The following ARID1B variants were observed in gnomAD, a reference collection of about 807,000 sequenced individuals.
ARID1B encodes the protein AT-rich interaction domain 1B, also known as AT-rich interactive domain-containing protein 1B.
ARID1B carries 30 observed loss-of-function variants against 212.3 expected under a neutral mutation model. The observed-to-expected ratio is 0.14, with a 90% confidence interval of 0.11 to 0.19. ARID1B has a LOEUF of 0.19. Among genes scored for constraint, ARID1B ranks in the 10% least tolerant of loss-of-function variants. The pLI is 1.00. For missense variants in ARID1B, 2,891 were observed against 3,204.0 expected (o/e 0.90, Z 2.36); for synonymous variants, 1,402 against 1,301.7 (o/e 1.08, Z -1.66).
At chr6:156,791,350 A>G (rs925304343) in intron 1 of ARID1B, among the ~76,000 whole-genome samples, 1 of 152,214 alleles carries the variant, frequency 6.6e-6, no homozygotes, top group Non-Finnish European at 1.5e-5. Context: ...AAACGAGGTA[A>G]TGTGTATGGC....
intron 4 of ARID1B, among the ~76,000 whole-genome samples, chr6:156,983,720 G>A (rs1302592965): frequency 1.3e-5 from 2 of 152,092 alleles, no homozygotes; most frequent in East Asian, 1.9e-4. Context: ...CACCTCATCC[G>A]TGTGAGCCCT....
At chr6:156,899,154 A>G (rs530521483) in intron 2 of ARID1B, among the ~76,000 whole-genome samples, 7 of 152,366 alleles carry the variant, frequency 4.6e-5, no homozygotes, top group Admixed American at 2.0e-4. Context: ...CAGGGCATCT[A>G]TATGACTTAG....
chr6:157,207,695 C>T lies in ARID1B; in HGVS notation c.6923C>T (p.Pro2308Leu), dbSNP rs775203171. 8.1e-6 allele frequency: 13 copies of T among 1,608,678 alleles called. No individual in the cohort carries two copies. The highest frequency in any genetic ancestry group is 4.0e-5 in the African/African-American group (3 of 74,824). Reference protein sequence around the residue: ...SQHNLMHMQPPPLEPPSVDMM... With the variant: ...SQHNLMHMQPLPLEPPSVDMM... The stretch of plus-strand genomic sequence containing the variant: ...CACAACCTCATGCACATGCAGCCCC[C>T]GCCCCTGGAACCACCTAGCGTAGAC... Residue 2308 changes from proline to leucine, a missense_variant, in exon 20 of 20, where the codon CCG (proline) becomes CTG (leucine). By Grantham distance (98) the Pro-to-Leu change is moderately conservative. Coordinates refer to ENST00000636930, the MANE Select transcript of ARID1B (RefSeq NM_001374828.1). This position sits in a 1 kb window ranked among gnomAD's most constrained non-coding sequence, Gnocchi z 8.5.
chr6:156,838,771 C>T (rs1583137363), intron 2 of ARID1B, among the ~76,000 whole-genome samples: 2 of 151,624 alleles, frequency 1.3e-5, no homozygotes, highest in African/African-American at 4.8e-5. Flanking sequence ...TTAGATGTTT[C>T]TTTATAATCA....
At chr6:157,151,260 C>G (rs1030207433) in intron 8 of ARID1B, 12 of 152,162 alleles carry the variant, frequency 7.9e-5, no homozygotes, top group African/African-American at 2.7e-4. Flanking sequence ...GTTCTCATGA[C>G]TATATTATCA....
intron 4 of ARID1B, among the ~76,000 whole-genome samples, chr6:157,039,139 T>A (rs549241901): frequency 6.9e-4 from 105 of 152,168 alleles, no homozygotes; most frequent in Middle Eastern, 3.4e-3. Flanking sequence ...CAAAGAGTAG[T>A]GTTGGCATTA....
chr6:156,848,828 G>A (rs79833065), intron 2 of ARID1B, among the ~76,000 whole-genome samples: 4 of 152,292 alleles, frequency 2.6e-5, no homozygotes, highest in East Asian at 1.9e-4. Context: ...CTGCTGCCTC[G>A]CTAAGTCTTA....
intron 1 of ARID1B, among the ~76,000 whole-genome samples, chr6:156,820,560 T>C (rs1782283731): frequency 1.3e-5 from 2 of 152,210 alleles, no homozygotes; most frequent in African/African-American, 4.8e-5. Flanking sequence ...AAGTTCTTTT[T>C]ATGTGATAAA....
chr6:157,169,301 G>A (rs1297953661), intron 9 of ARID1B: 1 of 152,266 alleles, frequency 6.6e-6, no homozygotes, highest in Non-Finnish European at 1.5e-5. Context: ...TCAGCAGCCA[G>A]TGCAACCAGC....
At chr6:156,801,902 G>A (rs750023441) in intron 1 of ARID1B, among the ~76,000 whole-genome samples, 4 of 152,110 alleles carry the variant, frequency 2.6e-5, no homozygotes, top group Non-Finnish European at 4.4e-5. Context: ...GTGCATTTTG[G>A]TGTGGAAAAA....
At chr6:156,882,103 C>G (rs1222141340) in intron 2 of ARID1B, among the ~76,000 whole-genome samples, 2 of 152,184 alleles carry the variant, frequency 1.3e-5, no homozygotes, top group Non-Finnish European at 2.9e-5. Flanking sequence ...AATGATTCCT[C>G]TTTCACTTGT....
chr6:156,782,960 T>C (rs1779378841), intron 1 of ARID1B, among the ~76,000 whole-genome samples: 1 of 152,154 alleles, frequency 6.6e-6, no homozygotes, highest in African/African-American at 2.4e-5. Context: ...GTACATACTT[T>C]TGACAATATT....
rs2114956730 is a variant in ARID1B at position 156,777,937 on chromosome 6, A to G, written c.257A>G (p.His86Arg). ...LLPRHELNMA[H>R]NAGAAAAAGT... ...CCCCGTCACGAACTCAACATGGCCCATAACGCGGGCGCCGCGGCCGCCGCC... is the reference window on the plus strand; with the variant it reads ...CCCCGTCACGAACTCAACATGGCCCGTAACGCGGGCGCCGCGGCCGCCGCC... The change falls in exon 1 of 20, where the codon CAT (histidine) becomes CGT (arginine). Residue 86 changes from histidine to arginine, a missense_variant. By Grantham distance (29) the His-to-Arg change is conservative (BLOSUM62 0). This residue lies in a region of ARID1B where 1,643 missense variants were observed against 1,544.0 expected (regional missense o/e 1.06). Transcript: ENST00000636930. 1 of 1,527,728 alleles carries G rather than the reference A, an allele frequency of 6.5e-7. No individual in the cohort carries two copies. Among genetic ancestry groups the G allele is most frequent in the Non-Finnish European group, 8.7e-7 (1 of 1,144,012 alleles). 94.6% of individuals were successfully genotyped at this position (1,527,728 alleles called of 1,614,324 possible).
At chr6:157,161,949 G>A (rs895245136) in intron 8 of ARID1B, among the ~76,000 whole-genome samples, 4 of 152,160 alleles carry the variant, frequency 2.6e-5, no homozygotes, top group African/African-American at 7.2e-5. Flanking sequence ...TGCTCATTCC[G>A]AACATAACTC....
At chr6:156,965,533 G>A (rs1794682910) in intron 4 of ARID1B, among the ~76,000 whole-genome samples, 1 of 152,226 alleles carries the variant, frequency 6.6e-6, no homozygotes, top group Non-Finnish European at 1.5e-5. Context: ...ATCCGTGAAT[G>A]TGTATTAATA....
At chr6:156,932,266 TCG>T (rs1791809734) in intron 3 of ARID1B, among the ~76,000 whole-genome samples, 2 of 152,028 alleles carry the variant, frequency 1.3e-5, no homozygotes, top group Admixed American at 6.6e-5. Flanking sequence ...AACCTTTGAC[TCG>T]TAACATAAAG....
rs760090226 is a variant in ARID1B, at chr6:156,779,153, G to A, written c.1473G>A (p.Gln491=). ...GGGGCTTCCAGCGCTTCGCCGGCCA[G>A]AACCAGCACCCGTCGGGGGCCACCC... The part of the protein sequence containing the change: ...AAGGFQRFAG[Q]NQHPSGATPT... The change falls in exon 1 of 20, where the codon CAG becomes CAA. Residue 491 remains glutamine, a synonymous_variant. Transcript: ENST00000636930. The A allele has an allele frequency of 2.3e-6, 3 of 1,310,580 alleles. No individual in the cohort carries two copies. Among genetic ancestry groups the A allele is most frequent in the South Asian group, 2.0e-5 (1 of 49,680 alleles). 81.2% of individuals were successfully genotyped at this position (1,310,580 alleles called of 1,614,324 possible).
At chr6:157,069,986 G>A (rs920886749) in intron 4 of ARID1B, among the ~76,000 whole-genome samples, 3 of 152,114 alleles carry the variant, frequency 2.0e-5, no homozygotes, top group Admixed American at 1.3e-4. Flanking sequence ...TAGCCAGTAG[G>A]TCAGTTGATA....
At chr6:156,845,427 A>G (rs901566788) in intron 2 of ARID1B, among the ~76,000 whole-genome samples, 1 of 152,056 alleles carries the variant, frequency 6.6e-6, no homozygotes, top group Non-Finnish European at 1.5e-5. Flanking sequence ...TTCATCCTGT[A>G]GTAGCTTTGT....
Sources: gnomAD v4.1 joint callset for allele counts (sites outside exome capture counted in the v4.1 genomes callset) on GRCh38, gnomAD v4.1.1 for gene constraint, gnomAD v4.1.1 regional missense constraint, Gnocchi (gnomAD v3.1) non-coding constraint, MANE v1.5 for transcripts, NCBI Gene and HGNC (gene_info 2026-07-23, HGNC 2026-07-21) for gene names.